The following METTL23 variants were observed in gnomAD, a reference collection of about 807,000 sequenced individuals.
METTL23 encodes the protein histone-arginine methyltransferase METTL23.
A neutral mutation model predicts 21.2 loss-of-function variants in METTL23; 24 were observed. The observed-to-expected ratio is 1.13, with a 90% confidence interval of 0.82 to 1.59. The LOEUF (loss-of-function observed/expected upper bound fraction) is 1.59. Ranked by LOEUF, METTL23 falls within the 40% of genes most tolerant of loss-of-function variation. The probability of loss-of-function intolerance (pLI) is 0.00; values close to 1 mark genes in which losing one functional copy is unlikely to be tolerated. For synonymous variants in METTL23, 97 were observed against 75.2 expected (o/e 1.29, Z -1.50); for missense variants, 276 against 221.4 (o/e 1.25, Z -1.57).
Position 76,733,506 on chromosome 17 carries a change from C to CT in METTL23, c.408-4dup, listed in dbSNP as rs34243161. On this transcript the variant is annotated splice_polypyrimidine_tract_variant and intron_variant, in intron 4 of 4. Coordinates refer to ENST00000341249, the MANE Select transcript of METTL23 (RefSeq NM_001080510.5). ...AAAAGGCATGACTTTAAAAGAACAA[C>CT]TTTTTTTTTTTAAGTGCTGACTGGT... 89,291 of 1,140,942 alleles carry CT rather than the reference C, an allele frequency of 0.078. 754 individuals are homozygous for CT. The highest frequency in any genetic ancestry group is 0.17 in the South Asian group (11,459 of 65,552). The allele number at this position is 1,140,942 out of a possible 1,614,324, so 70.7% of individuals were successfully genotyped here. A position where few individuals can be genotyped will look rare whatever the true frequency, so the allele number is the denominator to read the frequency against.
chr17:76,730,738 C>T (rs1327401283), intron 2 of METTL23, among the ~76,000 whole-genome samples: 2 of 152,172 alleles, frequency 1.3e-5, no homozygotes, highest in African/African-American at 2.4e-5. Flanking sequence ...GAGGCCAAGG[C>T]GGGCGGATTG....
chr17:76,728,052 C>T (rs560913866), intron 1 of METTL23, among the ~76,000 whole-genome samples: 39 of 152,246 alleles, frequency 2.6e-4, no homozygotes, highest in African/African-American at 9.1e-4. Context: ...CCAGCCTGGG[C>T]AATATAGTGA....
At chr17:76,733,412 C>T in intron 4 of METTL23, 35 bp downstream of exon 4, 5 of 1,607,688 alleles carry the variant, frequency 3.1e-6, no homozygotes, top group Non-Finnish European at 3.4e-6. Flanking sequence ...TTATATGTAA[C>T]TTAAGCCTTA....
At chr17:76,731,224 G>A (rs1014695550) in intron 2 of METTL23, among the ~76,000 whole-genome samples, 1 of 152,214 alleles carries the variant, frequency 6.6e-6, no homozygotes, top group Non-Finnish European at 1.5e-5. Flanking sequence ...GCAGTCAGCT[G>A]AGATTGTGCC....
chr17:76,726,647 G>A (rs529412602), upstream of METTL23: 8 of 921,744 alleles, frequency 8.7e-6, no homozygotes, highest in South Asian at 3.7e-5. Flanking sequence ...GCCACCTCCC[G>A]AGCCTCGGGT....
At position 76,733,171 on chromosome 17, in the gene METTL23, C is replaced by T. The variant is rs771697095; in HGVS notation, c.278C>T (p.Pro93Leu). The part of the protein sequence containing the change: ...HISWDLLALP[P>L]QDIILASDVF... Reference sequence around the variant, plus strand: ...TCTTGGGATCTTCTGGCTCTACCACCACAAGATATTATCCTTGCATCTGAT... The same window carrying T: ...TCTTGGGATCTTCTGGCTCTACCACTACAAGATATTATCCTTGCATCTGAT... The change falls in exon 3 of 5, where the codon CCA (proline) becomes CTA (leucine). Residue 93 changes from proline (P) to leucine (L), a missense_variant. Pro to Leu is a moderately conservative substitution (Grantham distance 98). Transcript: ENST00000341249. 2.5e-5 allele frequency: 41 copies of T among 1,613,766 alleles called. No individual in the cohort carries two copies. The Admixed American group carries it at 6.8e-4, about 27-fold the overall frequency.
At chr17:76,732,417 GA>G (rs985737400) in intron 2 of METTL23, among the ~76,000 whole-genome samples, 39 of 152,156 alleles carry the variant, frequency 2.6e-4, no homozygotes, top group South Asian at 2.3e-3. Context: ...AGAATTGCTT[GA>G]ACCCGGGAGG....
chr17:76,729,051 G>A (rs1204884257), intron 1 of METTL23, among the ~76,000 whole-genome samples: 3 of 150,330 alleles, frequency 2.0e-5, no homozygotes, highest in Non-Finnish European at 3.0e-5. Flanking sequence ...CACCCACCTC[G>A]GCCTCCCAAA....
Position 76,727,111 on chromosome 17 carries a change from G to C in METTL23, c.-89G>C, listed in dbSNP as rs976822893. 12 of 453,326 alleles carry C rather than the reference G, an allele frequency of 2.6e-5. No individual in the cohort carries two copies. The highest frequency in any genetic ancestry group is 5.3e-5 in the Non-Finnish European group (12 of 225,676). 28.1% of individuals were successfully genotyped at this position (453,326 alleles called of 1,614,324 possible). A position where few individuals can be genotyped will look rare whatever the true frequency, so the allele number is the denominator to read the frequency against. ...CGAGGACAGGGGGTCCGGGCCCAGC[G>C]CTTTCGATTCTCGGAGGAGCCGGGT... On this transcript the variant is annotated 5_prime_UTR_variant, in exon 1 of 5. Coordinates refer to ENST00000341249, the MANE Select transcript of METTL23 (RefSeq NM_001080510.5).
upstream of METTL23, chr17:76,726,508 C>T (rs1047034478): frequency 1.3e-6 from 2 of 1,575,916 alleles, no homozygotes; most frequent in Non-Finnish European, 1.7e-6. Flanking sequence ...CCGCTACGAC[C>T]TCGGCGCAGC....
chr17:76,732,725 C>A (rs2143859259), intron 2 of METTL23: 1 of 530,160 alleles, frequency 1.9e-6, no homozygotes, highest in Non-Finnish European at 3.4e-6. Flanking sequence ...AATTAACTGC[C>A]AGTTACGATA....
rs1598416301 is a variant in METTL23, at chr17:76,733,345, G to A, written c.375G>A (p.Lys125=). 1.9e-6 allele frequency: 3 copies of A among 1,613,872 alleles called. No homozygotes were observed. The highest frequency in any genetic ancestry group is 2.5e-6 in the Non-Finnish European group (3 of 1,179,872). ...ATTTTTTGATGCACAAGAATCCCAA[G>A]GTCCAATTGTGGTCTACTTATCAAG... ...TIYFLMHKNP[K]VQLWSTYQVR... The change falls in exon 4 of 5, where the codon AAG becomes AAA. Residue 125 remains lysine (K), a synonymous_variant. Coordinates refer to ENST00000341249, the MANE Select transcript of METTL23 (RefSeq NM_001080510.5).
Position 76,733,505 on chromosome 17 carries a change from ACTT to A in METTL23, c.408-15_408-13del, listed in dbSNP as rs768001588. Reference sequence around the variant, plus strand: ...GAAAAGGCATGACTTTAAAAGAACAACTTTTTTTTTTTAAGTGCTGACTGGTCA... The same window carrying A: ...GAAAAGGCATGACTTTAAAAGAACAATTTTTTTTTAAGTGCTGACTGGTCA... On this transcript the variant is annotated splice_polypyrimidine_tract_variant and intron_variant, in intron 4 of 4. Transcript: ENST00000341249. 6.9e-6 allele frequency: 11 copies of A among 1,590,462 alleles called. No homozygotes were observed. The African/African-American group carries it at 8.1e-5, about 12-fold the overall frequency.
At chr17:76,733,425 C>T in intron 4 of METTL23, 48 bp downstream of exon 4, 1 of 1,599,944 alleles carries the variant, frequency 6.3e-7, no homozygotes, top group South Asian at 1.1e-5. Context: ...AAGCCTTACT[C>T]TACCCTACCC....
chr17:76,728,173 C>A (rs1248604488), intron 1 of METTL23, among the ~76,000 whole-genome samples: 1 of 150,794 alleles, frequency 6.6e-6, no homozygotes, highest in Non-Finnish European at 1.5e-5. Context: ...GAGGTCGAGG[C>A]TGCTGTGAGC....
Position 76,729,707 on chromosome 17 carries a change from T to C in METTL23, c.-4T>C, listed in dbSNP as rs1403755381. ...CTTTTCAGGTCCTGCATCTCCAGTA[T>C]GGAATGTATGTTTGGCCCTGTGCTG... is the stretch of plus-strand genomic sequence containing the variant. On this transcript the variant is annotated 5_prime_UTR_variant, in exon 2 of 5. An upstream start codon of the reference 5' UTR is lost. Coordinates refer to ENST00000341249, the MANE Select transcript of METTL23 (RefSeq NM_001080510.5). 13 of 1,591,054 alleles carry C rather than the reference T, an allele frequency of 8.2e-6. No individual in the cohort carries two copies. The highest frequency in any genetic ancestry group is 2.6e-6 in the Non-Finnish European group (3 of 1,166,734).
chr17:76,728,412 A>ATTTGTTTTT (rs1463836132), intron 1 of METTL23, among the ~76,000 whole-genome samples: 4,250 of 14,476 alleles, frequency 0.29, 446 homozygotes, highest in African/African-American at 0.34. Flanking sequence ...GGCTTCACGG[A>ATTTGTTTTT]TTTTTTTTTT....
rs575063096 is a variant in METTL23, at chr17:76,730,874, C to T, written c.84+1080C>T. ...ATCCCAGCACTTTGGGAGGCTGAGG[C>T]GGGCGGATCACGAGGTCAGGAGATC... On this transcript the variant is annotated intron_variant, in intron 2 of 4. Transcript: ENST00000341249. Among the ~76,000 whole-genome samples, 22 of 152,078 alleles carry T rather than the reference C, an allele frequency of 1.4e-4. No homozygotes were observed. In the South Asian group the frequency reaches 4.0e-3, roughly 27 times the overall value.
chr17:76,729,629 A>G, intron 1 of METTL23, 61 bp from the exon 2 acceptor site: 2 of 1,170,156 alleles, frequency 1.7e-6, no homozygotes, highest in South Asian at 1.3e-5. Flanking sequence ...AAATTGCTGT[A>G]TGAATGATTC....
Sources: allele counts gnomAD v4.1 joint callset (sites outside exome capture counted in the v4.1 genomes callset), GRCh38; gene constraint gnomAD v4.1.1; transcripts MANE v1.5; gene names NCBI Gene and HGNC (gene_info 2026-07-23, HGNC 2026-07-21).